KIF13A: variants seen among roughly 807,000 people sequenced by gnomAD.
KIF13A encodes the protein kinesin-like protein KIF13A.
KIF13A carries 79 observed loss-of-function variants against 212.2 expected under a neutral mutation model. The ratio of observed to expected loss-of-function variants is 0.37; its 90% CI spans 0.31 to 0.45. KIF13A has a LOEUF of 0.45. Ranked by LOEUF, KIF13A falls within the 20% of genes least tolerant of loss-of-function variation. The pLI, the probability that KIF13A is intolerant of heterozygous loss-of-function variation, is 1.00. For missense variants in KIF13A, 1,901 were observed against 2,209.0 expected, an observed-to-expected ratio of 0.86 and a Z score of 2.79; for synonymous variants, 789 against 808.6, an observed-to-expected ratio of 0.98 and a Z score of 0.41.
intron 3 of KIF13A, among the ~76,000 whole-genome samples, chr6:17,896,928 C>T (rs972404657): frequency 3.0e-4 from 45 of 152,158 alleles, no homozygotes; most frequent in African/African-American, 1.1e-3. Context: ...GCTAGATAAA[C>T]GGCACTTATA....
At position 17,954,679 on chromosome 6, in the gene KIF13A, A is replaced by G. The variant is rs192338397; in HGVS notation, c.146+32375T>C. On this transcript the variant is annotated intron_variant, in intron 2 of 38. Coordinates refer to ENST00000259711, the MANE Select transcript of KIF13A (RefSeq NM_022113.6). ...TTACAAGGATTTTTTGTTATTGTTT[A>G]TATTGTTGTTAGAGACAGGATCTCA... Among the ~76,000 whole-genome samples the G allele has an allele frequency of 6.3e-3, 953 of 152,078 alleles. 10 individuals are homozygous for G. Among genetic ancestry groups the G allele is most frequent in the Non-Finnish European group, 0.011 (723 of 67,980 alleles).
At chr6:17,804,293 G>C in intron 20 of KIF13A, 68 bp downstream of exon 20, 1 of 1,385,512 alleles carries the variant, frequency 7.2e-7, no homozygotes, top group South Asian at 1.6e-5. Flanking sequence ...TAAATAGAAT[G>C]AAAAACAAAA....
intron 16 of KIF13A, among the ~76,000 whole-genome samples, chr6:17,824,238 A>G (rs565051941): frequency 1.3e-5 from 2 of 152,258 alleles, no homozygotes; most frequent in South Asian, 4.2e-4. Context: ...TTAAAAAAAG[A>G]GGCCCCCTAG....
At chr6:17,942,353 T>C (rs1777027073) in intron 2 of KIF13A, among the ~76,000 whole-genome samples, 1 of 151,228 alleles carries the variant, frequency 6.6e-6, no homozygotes, top group Non-Finnish European at 1.5e-5. Flanking sequence ...TATATATATA[T>C]ATATATTTCT....
In KIF13A at chr6:17,832,967, T is replaced by C. The variant is rs574404520; in HGVS notation, c.1266+994A>G. On this transcript the variant is annotated intron_variant, in intron 12 of 38. Transcript: ENST00000259711. The stretch of plus-strand genomic sequence containing the variant: ...AGGCGGAGGTTGCAGTGAGCCGAGA[T>C]TGCGCCACTGCACTCCAGCCTGGGC... Among the ~76,000 whole-genome samples, 23 of 137,054 alleles carry C rather than the reference T, an allele frequency of 1.7e-4. 1 individual carries two copies. The East Asian group carries it at 4.2e-3, about 25-fold the overall frequency. The allele number at this position is 137,054 out of a possible 152,430, so 89.9% of individuals were successfully genotyped here.
At chr6:17,767,283 T>A (rs1195408443) in intron 38 of KIF13A, among the ~76,000 whole-genome samples, 1 of 151,408 alleles carries the variant, frequency 6.6e-6, no homozygotes, top group Non-Finnish European at 1.5e-5. Context: ...AGACGAAGTC[T>A]CACTCTTGTC....
At chr6:17,939,445 GCTTTA>G (rs1192686988) in intron 2 of KIF13A, among the ~76,000 whole-genome samples, 2 of 152,134 alleles carry the variant, frequency 1.3e-5, no homozygotes, top group African/African-American at 4.8e-5. Context: ...AGTCTTCTTT[GCTTTA>G]GAGTCTGAGA....
intron 2 of KIF13A, among the ~76,000 whole-genome samples, chr6:17,957,721 T>TGG (rs1288739135): frequency 2.6e-5 from 4 of 152,150 alleles, no homozygotes; most frequent in Non-Finnish European, 5.9e-5. Context: ...TGCTTGTTGG[T>TGG]GGGGGAAAAC....
chr6:17,841,439 C>T (rs1373813121), intron 9 of KIF13A, among the ~76,000 whole-genome samples: 1 of 152,170 alleles, frequency 6.6e-6, no homozygotes, highest in Non-Finnish European at 1.5e-5. Flanking sequence ...GATGCATATG[C>T]TAATAAAATG....
chr6:17,850,539 G>T lies in KIF13A; in HGVS notation c.583-82C>A. 1 of 1,338,854 alleles carries T rather than the reference G, an allele frequency of 7.5e-7. No homozygotes were observed. 82.9% of individuals were successfully genotyped at this position (1,338,854 alleles called of 1,614,324 possible). On this transcript the variant is annotated intron_variant, in intron 7 of 38. Transcript: ENST00000259711. The surrounding 1 kb of genome is among the most constrained non-coding windows in gnomAD (Gnocchi z 6.2). ...CACACCAGGTATATGTATTAATTAT[G>T]ATTCCTCTGATGCCTTTGTCACCAC... is the stretch of plus-strand genomic sequence containing the variant.
intron 2 of KIF13A, among the ~76,000 whole-genome samples, chr6:17,917,989 A>G (rs1039601678): frequency 9.2e-5 from 14 of 151,712 alleles, no homozygotes; most frequent in Admixed American, 9.2e-4. Flanking sequence ...TGGTCCAGAG[A>G]GGCATTCCCT....
At chr6:17,905,119 T>C (rs765417319) in intron 2 of KIF13A, among the ~76,000 whole-genome samples, 1 of 152,240 alleles carries the variant, frequency 6.6e-6, no homozygotes, top group Non-Finnish European at 1.5e-5. Context: ...ATGAGATTCT[T>C]TTGTGATTTT....
intron 17 of KIF13A, chr6:17,812,630 A>G (rs772074735): frequency 6.6e-6 from 1 of 152,216 alleles, no homozygotes; most frequent in Non-Finnish European, 1.5e-5. Context: ...ATAGCACTGC[A>G]ATGAATATAC....
intron 22 of KIF13A, 34 bp from the exon 23 acceptor site, chr6:17,796,854 C>CTTAA: frequency 7.2e-7 from 1 of 1,395,518 alleles, no homozygotes; most frequent in Non-Finnish European, 9.5e-7. Flanking sequence ...AAGAATTATG[C>CTTAA]TTAAAGGAGT....
Position 17,850,631 on chromosome 6 carries a change from C to T in KIF13A, c.583-174G>A, listed in dbSNP as rs1767549371. ...GTTTGAGCTTCCACCTCACTCAAGA[C>T]TTTGTAATGTATGAAATGTTTCCCT... On this transcript the variant is annotated intron_variant, in intron 7 of 38. Transcript: ENST00000259711. The surrounding 1 kb of genome is among the most constrained non-coding windows in gnomAD (Gnocchi z 6.2). Among the ~76,000 whole-genome samples the T allele has an allele frequency of 6.6e-6, 1 of 152,206 alleles. No individual in the cohort carries two copies. Among genetic ancestry groups the T allele is most frequent in the Non-Finnish European group, 1.5e-5 (1 of 68,036 alleles).
Position 17,946,449 on chromosome 6 carries a change from A to T in KIF13A, c.146+40605T>A, listed in dbSNP as rs182137764. On this transcript the variant is annotated intron_variant, in intron 2 of 38. Coordinates refer to ENST00000259711, the MANE Select transcript of KIF13A (RefSeq NM_022113.6). Reference sequence around the variant, plus strand: ...GGAATCAATTTTAAAAGGCCAAAAAAAAAACAAAAAAGAGAAAATGAGTAA... The same window carrying T: ...GGAATCAATTTTAAAAGGCCAAAAATAAAACAAAAAAGAGAAAATGAGTAA... Among the ~76,000 whole-genome samples the T allele has an allele frequency of 6.9e-4, 105 of 152,246 alleles. 2 individuals carry two copies. Among genetic ancestry groups the T allele is most frequent in the Admixed American group, 6.5e-3 (99 of 15,300 alleles).
chr6:17,787,107 C>T lies in KIF13A; in HGVS notation c.3361+669G>A, dbSNP rs536789143. ...AGTGGATAGGTGCTGACCTGCTAAG[C>T]GGTTTGGTTTCAGAAGTGACCCTTC... On this transcript the variant is annotated intron_variant, in intron 27 of 38. Transcript: ENST00000259711. This position sits in a 1 kb window ranked among gnomAD's most constrained non-coding sequence, Gnocchi z 4.6. Among the ~76,000 whole-genome samples, 23 of 152,288 alleles carry T rather than the reference C, an allele frequency of 1.5e-4. No homozygotes were observed. The highest frequency in any genetic ancestry group is 2.6e-4 in the Admixed American group (4 of 15,292).
rs1230762219 is a variant in KIF13A, at chr6:17,898,389, A to C, written c.147-209T>G. Among the ~76,000 whole-genome samples the C allele has an allele frequency of 6.6e-6, 1 of 152,218 alleles. No homozygotes were observed. The highest frequency in any genetic ancestry group is 6.5e-5 in the Admixed American group (1 of 15,286). On this transcript the variant is annotated intron_variant, in intron 2 of 38. Coordinates refer to ENST00000259711, the MANE Select transcript of KIF13A (RefSeq NM_022113.6). The surrounding 1 kb of genome is among the most constrained non-coding windows in gnomAD (Gnocchi z 5.2). ...AAGTGATAAACTCAATATTTGCTCA[A>C]AAACATGGTATGGGCATAATGAATT...
At chr6:17,909,619 GTATGGTGGCT>G (rs1217793257) in intron 2 of KIF13A, among the ~76,000 whole-genome samples, 1 of 152,094 alleles carries the variant, frequency 6.6e-6, no homozygotes, top group East Asian at 1.9e-4. Flanking sequence ...GGGGGACCAG[GTATGGTGGCT>G]CATGCCTGTA....
Sources: allele counts gnomAD v4.1 joint callset (sites outside exome capture counted in the v4.1 genomes callset), GRCh38; gene constraint gnomAD v4.1.1; non-coding constraint Gnocchi (gnomAD v3.1); transcripts MANE v1.5; gene names NCBI Gene and HGNC (gene_info 2026-07-23, HGNC 2026-07-21).